Variants in ZNF577 observed in about 807,000 individuals in gnomAD.
The protein encoded by ZNF577 is zinc finger protein 577.
A neutral mutation model predicts 13.9 loss-of-function variants in ZNF577; 14 were observed. That is an observed-to-expected ratio of 1.00 (90% CI 0.66 to 1.57). ZNF577 has a LOEUF of 1.57. ZNF577 is among the 40% of genes most tolerant of loss of function. The pLI, the probability that ZNF577 is intolerant of heterozygous loss-of-function variation, is 0.00. For missense variants in ZNF577, 555 were observed against 579.2 expected, an observed-to-expected ratio of 0.96 and a Z score of 0.43; for synonymous variants, 203 against 202.9, an observed-to-expected ratio of 1.00 and a Z score of 0.00.
rs1039078322 is a variant in ZNF577, at chr19:51,868,521, C to T, written c.*4011G>A. Reference sequence around the variant, plus strand: ...ACAGCAGGGCAGACTCACCAAGAACCGACTGGGTCTGACCCACCAAAGACT... The same window carrying T: ...ACAGCAGGGCAGACTCACCAAGAACTGACTGGGTCTGACCCACCAAAGACT... On this transcript the variant is annotated 3_prime_UTR_variant, in exon 6 of 6. Coordinates refer to ENST00000638348, the MANE Select transcript of ZNF577 (RefSeq NM_001370449.1). Among the ~76,000 whole-genome samples, 1 of 152,170 alleles carries T rather than the reference C, an allele frequency of 6.6e-6. No individual in the cohort carries two copies. The highest frequency in any genetic ancestry group is 2.4e-5 in the African/African-American group (1 of 41,442).
chr19:51,828,540 G>A (rs749973232), intron 9 of ZNF577, among the ~76,000 whole-genome samples: 1 of 152,164 alleles, frequency 6.6e-6, no homozygotes, highest in Non-Finnish European at 1.5e-5. Flanking sequence ...CAGTAGAACA[G>A]TGCCTGCTAC....
chr19:51,835,115 G>A lies in ZNF577; in HGVS notation c.*599+4778C>T, dbSNP rs139439896. On this transcript the variant is annotated intron_variant and NMD_transcript_variant, in intron 9 of 10. Coordinates refer to the ZNF577 transcript ENST00000638827. Reference sequence around the variant, plus strand: ...AATGAAATAGAGATCAATAGAAGAGGAAATATTAAAGTTATGTTAAGATAT... The same window carrying A: ...AATGAAATAGAGATCAATAGAAGAGAAAATATTAAAGTTATGTTAAGATAT... 2.9e-3 allele frequency among the ~76,000 whole-genome samples: 440 copies of A among 151,352 alleles called. 3 individuals are homozygous for A. Among genetic ancestry groups the A allele is most frequent in the African/African-American group, 9.8e-3 (406 of 41,250 alleles).
chr19:51,881,802 C>T (rs901488216), intron 1 of ZNF577, among the ~76,000 whole-genome samples: 4 of 152,272 alleles, frequency 2.6e-5, no homozygotes, highest in African/African-American at 4.8e-5. Flanking sequence ...AAAGCAAAGG[C>T]GGTCCCATCT....
At chr19:51,885,469 T>C (rs2084930346) in intron 1 of ZNF577, among the ~76,000 whole-genome samples, 2 of 152,284 alleles carry the variant, frequency 1.3e-5, no homozygotes, top group Non-Finnish European at 2.9e-5. Context: ...TCCTTGTGTC[T>C]AGCATACTCC....
rs781555942 is a variant in ZNF577 at position 51,857,172 on chromosome 19, G to A, written c.284-12241C>T. Among the ~76,000 whole-genome samples the A allele has an allele frequency of 3.9e-5, 6 of 152,016 alleles. No individual in the cohort carries two copies. The South Asian group carries it at 6.2e-4, about 16-fold the overall frequency. On this transcript the variant is annotated intron_variant and NMD_transcript_variant, in intron 5 of 10. Coordinates refer to the ZNF577 transcript ENST00000638827. ...AAATTATCTGGGTGTGATGGCGCAC[G>A]CCTGTAGTCCCAGCTGTTCAGGAGG...
chr19:51,807,296 TTCTCAATAGATAAC>T (rs747955900), intron 10 of ZNF577, among the ~76,000 whole-genome samples: 2 of 152,202 alleles, frequency 1.3e-5, no homozygotes, highest in South Asian at 2.1e-4. Flanking sequence ...GGCGCTAGAT[TTCTCAATAGATAAC>T]TCTCAATAGA....
Position 51,856,179 on chromosome 19 carries a change from T to C in ZNF577, c.284-11248A>G, listed in dbSNP as rs183674466. Reference sequence around the variant, plus strand: ...CTTGTCTCTGCTATTCTGGACATCATGCCTTATCACATAATTTATTTTTTG... The same window carrying C: ...CTTGTCTCTGCTATTCTGGACATCACGCCTTATCACATAATTTATTTTTTG... On this transcript the variant is annotated intron_variant and NMD_transcript_variant, in intron 5 of 10. Coordinates refer to the ZNF577 transcript ENST00000638827. Among the ~76,000 whole-genome samples, 873 of 152,350 alleles carry C rather than the reference T, an allele frequency of 5.7e-3. 12 individuals carry two copies. Among genetic ancestry groups the C allele is most frequent in the African/African-American group, 0.02 (820 of 41,572 alleles).
In ZNF577 at chr19:51,861,074, A is replaced by T. The variant is rs114991012; in HGVS notation, c.284-16143T>A. 4.4e-3 allele frequency: 1,653 copies of T among 374,264 alleles called. 30 individuals are homozygous for T. The highest frequency in any genetic ancestry group is 0.036 in the African/African-American group (1,545 of 43,300). The allele number at this position is 374,264 out of a possible 1,614,324, so 23.2% of individuals were successfully genotyped here. A position where few individuals can be genotyped will look rare whatever the true frequency, so the allele number is the denominator to read the frequency against. On this transcript the variant is annotated intron_variant and NMD_transcript_variant, in intron 5 of 10. Coordinates refer to the ZNF577 transcript ENST00000638827. ...ATGGAAAGCTTCTAGTTTTCTAATA[A>T]ACTTTTTTGACAATCACTGCACTCA...
rs564878909 is a variant in ZNF577, at chr19:51,861,292, T to G, written c.283+15990A>C. 60 of 163,808 alleles carry G rather than the reference T, an allele frequency of 3.7e-4. 1 individual carries two copies. Among genetic ancestry groups the G allele is most frequent in the Non-Finnish European group, 7.0e-4 (54 of 76,826 alleles). The allele number at this position is 163,808 out of a possible 1,614,324, so 10.1% of individuals were successfully genotyped here. On this transcript the variant is annotated intron_variant and NMD_transcript_variant, in intron 5 of 10. Transcript: ENST00000638827. ...CACACCACACCTGGCTATTTGTTTT[T>G]TTTTTTTTTTGTATTTTTAGTAGAG... is the stretch of plus-strand genomic sequence containing the variant.
downstream of ZNF577, among the ~76,000 whole-genome samples, chr19:51,865,009 C>T (rs2084544598): frequency 2.0e-5 from 3 of 152,232 alleles, no homozygotes; most frequent in South Asian, 6.2e-4. Context: ...GAAGTCTTCT[C>T]AGCTCTTCAC....
intron 9 of ZNF577, among the ~76,000 whole-genome samples, chr19:51,813,409 A>T (rs562431101): frequency 2.0e-5 from 3 of 151,870 alleles, no homozygotes; most frequent in Admixed American, 6.5e-5. Flanking sequence ...AACCTCATTT[A>T]TATTTTTATT....
At chr19:51,842,256 G>T (rs2084325344) in intron 8 of ZNF577, among the ~76,000 whole-genome samples, 1 of 152,182 alleles carries the variant, frequency 6.6e-6, no homozygotes, top group South Asian at 2.1e-4. Flanking sequence ...GAAATATAGT[G>T]CTATGGTCTG....
rs555696218 is a variant in ZNF577 at position 51,818,218 on chromosome 19, C to T, written c.*600-6544G>A. Among the ~76,000 whole-genome samples the T allele has an allele frequency of 7.2e-5, 11 of 152,188 alleles. No homozygotes were observed. In the South Asian group the frequency reaches 2.1e-3, roughly 29 times the overall value. ...TAAGACTTAGTATGAAAAAAGAACG[C>T]CATGTATCTCATTAATAATTTTTAT... On this transcript the variant is annotated intron_variant and NMD_transcript_variant, in intron 9 of 10. Coordinates refer to the ZNF577 transcript ENST00000638827.
intron 9 of ZNF577, among the ~76,000 whole-genome samples, chr19:51,821,013 T>C (rs974866127): frequency 6.6e-6 from 1 of 152,220 alleles, no homozygotes; most frequent in Non-Finnish European, 1.5e-5. Context: ...GTTCTTGTCC[T>C]GACCTTGAGC....
At chr19:51,875,207 A>AG (rs1371721844) in intron 5 of ZNF577, among the ~76,000 whole-genome samples, 1 of 151,592 alleles carries the variant, frequency 6.6e-6, no homozygotes, top group African/African-American at 2.4e-5. Flanking sequence ...AAATACAAAA[A>AG]AAAGGATTAG....
rs566479016 is a variant in ZNF577 at position 51,880,583 on chromosome 19, A to C, written c.-20+96T>G. On this transcript the variant is annotated intron_variant, in intron 2 of 5. Transcript: ENST00000638348. ...TATTTTCCCACAGATCCTGATTTTT[A>C]TCAGCATACACTATCTCATTTAACC... 2.9e-5 allele frequency: 18 copies of C among 619,720 alleles called. No homozygotes were observed. The South Asian group carries it at 3.6e-4, about 12-fold the overall frequency. 38.4% of individuals were successfully genotyped at this position (619,720 alleles called of 1,614,324 possible).
At chr19:51,865,411 C>T (rs2084551267), downstream of ZNF577, among the ~76,000 whole-genome samples, 1 of 152,070 alleles carries the variant, frequency 6.6e-6, no homozygotes, top group Non-Finnish European at 1.5e-5. Context: ...CCAAAGATTT[C>T]TAACACCATA....
At chr19:51,814,562 C>T (rs1244669138) in intron 9 of ZNF577, among the ~76,000 whole-genome samples, 1 of 151,752 alleles carries the variant, frequency 6.6e-6, no homozygotes, top group Non-Finnish European at 1.5e-5. Context: ...GGTGTGATCT[C>T]GGCTCACTGC....
intron 5 of ZNF577, among the ~76,000 whole-genome samples, chr19:51,850,876 T>C (rs1208546524): frequency 1.3e-5 from 2 of 152,324 alleles, no homozygotes; most frequent in East Asian, 1.9e-4. Flanking sequence ...CAGTGAGCAT[T>C]ACCATATGTA....
Sources: allele counts gnomAD v4.1 joint callset (sites outside exome capture counted in the v4.1 genomes callset), GRCh38; gene constraint gnomAD v4.1.1; transcripts MANE v1.5; gene names NCBI Gene and HGNC (gene_info 2026-07-23, HGNC 2026-07-21).